IGSF21: variants seen among roughly 807,000 people sequenced by gnomAD.
IGSF21 encodes immunoglobulin superfamily member 21.
In IGSF21, 28 loss-of-function variants were observed where a neutral mutation model predicts 46.8. The ratio of observed to expected loss-of-function variants is 0.60; its 90% CI spans 0.44 to 0.82. The LOEUF (loss-of-function observed/expected upper bound fraction) is 0.82, where lower values mean the gene tolerates loss of function less well. IGSF21 is among the 40% of genes least tolerant of loss of function. The pLI, the probability that IGSF21 is intolerant of heterozygous loss-of-function variation, is 0.00. For missense variants in IGSF21, 624 were observed against 665.5 expected (o/e 0.94, Z 0.69); for synonymous variants, 284 against 273.6 (o/e 1.04, Z -0.38).
intron 1 of IGSF21, among the ~76,000 whole-genome samples, chr1:18,201,229 C>T (rs1463587437): frequency 6.6e-6 from 1 of 152,098 alleles, no homozygotes; most frequent in Non-Finnish European, 1.5e-5. Context: ...AGCGCGTGCT[C>T]AGGGAAGGAT....
chr1:18,247,646 A>G (rs2084798166), intron 2 of IGSF21, among the ~76,000 whole-genome samples: 1 of 152,172 alleles, frequency 6.6e-6, no homozygotes, highest in African/African-American at 2.4e-5. Context: ...AGAAAATGAC[A>G]TCACTCTGGC....
intron 1 of IGSF21, among the ~76,000 whole-genome samples, chr1:18,132,478 C>T (rs2086330237): frequency 6.6e-6 from 1 of 152,206 alleles, no homozygotes; most frequent in Non-Finnish European, 1.5e-5. Flanking sequence ...GTATTAGAAT[C>T]TGGGCTCAGC....
intron 1 of IGSF21, among the ~76,000 whole-genome samples, chr1:18,220,608 C>T (rs2084500722): frequency 1.3e-5 from 2 of 152,178 alleles, no homozygotes; most frequent in South Asian, 2.1e-4. Context: ...TGAGCATACC[C>T]TGAATATGTC....
rs376703188 is a variant in IGSF21, at chr1:18,342,068, TG to T, written c.424+7059del. Among the ~76,000 whole-genome samples, 197 of 113,212 alleles carry T rather than the reference TG, an allele frequency of 1.7e-3. 2 individuals are homozygous for T. The highest frequency in any genetic ancestry group is 1.8e-3 in the Non-Finnish European group (84 of 47,632). The allele number at this position is 113,212 out of a possible 152,430, so 74.3% of individuals were successfully genotyped here. A position where few individuals can be genotyped will look rare whatever the true frequency, so the allele number is the denominator to read the frequency against. Reference sequence around the variant, plus strand: ...GCATTTTCCTTGTTTTTTTTTTTTTTGTTTGTTTGTTTGTTTGTTTGCTCTG... The same window carrying T: ...GCATTTTCCTTGTTTTTTTTTTTTTTTTTGTTTGTTTGTTTGTTTGCTCTG... On this transcript the variant is annotated intron_variant, in intron 4 of 9. Transcript: ENST00000251296.
intron 2 of IGSF21, among the ~76,000 whole-genome samples, chr1:18,243,031 G>T (rs995300897): frequency 1.3e-5 from 2 of 152,174 alleles, no homozygotes; most frequent in Non-Finnish European, 2.9e-5. Flanking sequence ...TCAGTGAAGG[G>T]TCAGGAAGAG....
chr1:18,262,724 TAATC>T (rs2084957438), intron 2 of IGSF21, among the ~76,000 whole-genome samples: 1 of 152,114 alleles, frequency 6.6e-6, no homozygotes, highest in African/African-American at 2.4e-5. Flanking sequence ...AATAAGTAAA[TAATC>T]AATTGAGAGA....
chr1:18,108,092 C>A lies in IGSF21; in HGVS notation c.-37C>A. On this transcript the variant is annotated 5_prime_UTR_variant, in exon 1 of 10. Coordinates refer to ENST00000251296, the MANE Select transcript of IGSF21 (RefSeq NM_032880.5). ...GGGACCCGCCGCCACCGCCTCCACCCCCGCCGCCCCGCCACCGCCGCCAGC... is the reference window on the plus strand; with the variant it reads ...GGGACCCGCCGCCACCGCCTCCACCACCGCCGCCCCGCCACCGCCGCCAGC... 10 of 1,100,996 alleles carry A rather than the reference C, an allele frequency of 9.1e-6. No homozygotes were observed. Among genetic ancestry groups the A allele is most frequent in the Non-Finnish European group, 1.1e-5 (9 of 816,442 alleles). The allele number at this position is 1,100,996 out of a possible 1,614,324, so 68.2% of individuals were successfully genotyped here.
intron 1 of IGSF21, among the ~76,000 whole-genome samples, chr1:18,206,553 A>G (rs2084329893): frequency 6.6e-6 from 1 of 151,982 alleles, no homozygotes; most frequent in Non-Finnish European, 1.5e-5. Flanking sequence ...CGTCTCAAAA[A>G]AAAAAAAAAA....
chr1:18,215,856 G>A (rs990603356), intron 1 of IGSF21, among the ~76,000 whole-genome samples: 3 of 152,176 alleles, frequency 2.0e-5, no homozygotes, highest in Admixed American at 6.5e-5. Context: ...AATCCACATT[G>A]TTCCAGGGCT....
chr1:18,369,547 C>T (rs1384878741), intron 6 of IGSF21, among the ~76,000 whole-genome samples: 1 of 152,178 alleles, frequency 6.6e-6, no homozygotes, highest in Non-Finnish European at 1.5e-5. Context: ...GTCACTGAGC[C>T]AGGGGATATG....
chr1:18,376,865 C>T lies in IGSF21; in HGVS notation c.1167C>T (p.Ser389=), dbSNP rs368532350. ...TRVGSRLLDG[S]AEFDGKELVL... is the part of the protein sequence containing the mutation. Reference sequence around the variant, plus strand: ...TTGGGAGCCGCCTCCTGGACGGCAGCGCTGAGTTCGACGGGAAGGAGCTGG... The same window carrying T: ...TTGGGAGCCGCCTCCTGGACGGCAGTGCTGAGTTCGACGGGAAGGAGCTGG... The change falls in exon 8 of 10, where the codon AGC becomes AGT. Residue 389 remains serine, a synonymous_variant. Transcript: ENST00000251296. 7.8e-5 allele frequency: 125 copies of T among 1,612,488 alleles called. No homozygotes were observed. The highest frequency in any genetic ancestry group is 1.6e-4 in the Middle Eastern group (1 of 6,078).
At chr1:18,136,979 T>C (rs1056616171) in intron 1 of IGSF21, among the ~76,000 whole-genome samples, 1 of 152,176 alleles carries the variant, frequency 6.6e-6, no homozygotes, top group Admixed American at 6.5e-5. Context: ...TCACATCCCT[T>C]GTAAGTTGGA....
chr1:18,363,498 G>A (rs12125003), intron 5 of IGSF21, among the ~76,000 whole-genome samples: 21,138 of 81,740 alleles, frequency 0.26, 1,609 homozygotes, highest in East Asian at 0.36. Context: ...TACAGGTGAG[G>A]CAGTGGGCAG....
At chr1:18,171,503 T>C (rs2086736597) in intron 1 of IGSF21, among the ~76,000 whole-genome samples, 1 of 152,142 alleles carries the variant, frequency 6.6e-6, no homozygotes, top group South Asian at 2.1e-4. Context: ...AGCTAGGAAC[T>C]CAGTCCCCAG....
At chr1:18,377,044 G>C (rs2271860) in intron 8 of IGSF21, 52 bp downstream of exon 8, 422,592 of 1,525,770 alleles carry the variant, frequency 0.28, 61,565 homozygotes, top group Non-Finnish European at 0.3. Context: ...GGCGGGTCCT[G>C]TCTGGGAGGT....
intron 3 of IGSF21, among the ~76,000 whole-genome samples, chr1:18,326,957 A>G (rs1453640908): frequency 6.6e-6 from 1 of 152,174 alleles, no homozygotes; most frequent in Non-Finnish European, 1.5e-5. Flanking sequence ...GGGCCAAGCA[A>G]GACAGTGGGG....
chr1:18,132,067 A>C (rs911729671), intron 1 of IGSF21, among the ~76,000 whole-genome samples: 3 of 152,134 alleles, frequency 2.0e-5, no homozygotes, highest in African/African-American at 7.2e-5. Flanking sequence ...CCATGAAGAC[A>C]GTGTTTCTGT....
At chr1:18,310,224 G>A (rs1049778180) in intron 3 of IGSF21, among the ~76,000 whole-genome samples, 2 of 152,092 alleles carry the variant, frequency 1.3e-5, no homozygotes, top group African/African-American at 4.8e-5. Flanking sequence ...ACACAGTTAA[G>A]GGCTTTATAA....
At chr1:18,127,833 C>T (rs938018471) in intron 1 of IGSF21, among the ~76,000 whole-genome samples, 8 of 152,118 alleles carry the variant, frequency 5.3e-5, no homozygotes, top group African/African-American at 9.7e-5. Flanking sequence ...CACTTGAACC[C>T]GGGAAGTCGA....
Sources: allele counts gnomAD v4.1 joint callset (sites outside exome capture counted in the v4.1 genomes callset), GRCh38; gene constraint gnomAD v4.1.1; transcripts MANE v1.5; gene names NCBI Gene and HGNC (gene_info 2026-07-23, HGNC 2026-07-21).